Variants in PRKG1 observed in about 807,000 individuals in gnomAD.
PRKG1 encodes protein kinase cGMP-dependent 1.
Under a neutral mutation model 88.1 loss-of-function variants are expected in PRKG1, and 35 were observed. That is an observed-to-expected ratio of 0.40 (90% confidence interval 0.30 to 0.53). PRKG1 has a LOEUF of 0.53. Among genes scored for constraint, PRKG1 ranks in the 20% least tolerant of loss-of-function variants. The pLI is 0.59. For missense variants in PRKG1, 540 were observed against 839.8 expected (o/e 0.64, Z 4.41); for synonymous variants, 303 against 292.5 (o/e 1.04, Z -0.37).
intron 9 of PRKG1, among the ~76,000 whole-genome samples, chr10:52,170,956 G>A (rs1433075678): frequency 1.3e-5 from 2 of 152,162 alleles, no homozygotes; most frequent in African/African-American, 4.8e-5. Flanking sequence ...CAAAGCACCT[G>A]AGGCTATGTA....
chr10:51,224,667 T>C (rs1370268608), intron 2 of PRKG1, among the ~76,000 whole-genome samples: 1 of 152,216 alleles, frequency 6.6e-6, no homozygotes, highest in Non-Finnish European at 1.5e-5. Context: ...CATTTTATTT[T>C]TCTCCTACAG....
chr10:51,294,821 C>T (rs1840676296), intron 2 of PRKG1, among the ~76,000 whole-genome samples: 1 of 152,088 alleles, frequency 6.6e-6, no homozygotes, highest in African/African-American at 2.4e-5. Flanking sequence ...CTCCAGTAAT[C>T]CCATCACTTT....
intron 2 of PRKG1, among the ~76,000 whole-genome samples, chr10:51,267,437 C>T (rs1839864787): frequency 6.6e-6 from 1 of 152,096 alleles, no homozygotes; most frequent in Non-Finnish European, 1.5e-5. Context: ...TCAGTTTTTA[C>T]TATGTTAAAT....
intron 7 of PRKG1, among the ~76,000 whole-genome samples, chr10:52,107,957 T>C (rs1216196673): frequency 6.6e-6 from 1 of 152,228 alleles, no homozygotes; most frequent in Non-Finnish European, 1.5e-5. Flanking sequence ...AATAACTGAA[T>C]TGATACAATA....
At chr10:51,296,196 C>A (rs993151427) in intron 2 of PRKG1, among the ~76,000 whole-genome samples, 8 of 152,008 alleles carry the variant, frequency 5.3e-5, no homozygotes, top group Non-Finnish European at 2.9e-5. Flanking sequence ...TAAGATGAGT[C>A]TGGAAGTGAT....
chr10:52,114,945 T>C (rs61448551), intron 7 of PRKG1, among the ~76,000 whole-genome samples: 17,810 of 151,986 alleles, frequency 0.12, 1,338 homozygotes, highest in East Asian at 0.32. Flanking sequence ...TAAAAGGTAA[T>C]GAAAGAAGTT....
At chr10:51,905,517 A>C (rs1842067641) in intron 4 of PRKG1, among the ~76,000 whole-genome samples, 1 of 152,170 alleles carries the variant, frequency 6.6e-6, no homozygotes, top group South Asian at 2.1e-4. Flanking sequence ...TTCAGATATT[A>C]AGCTATGATT....
chr10:51,821,372 A>G (rs1384663137), intron 4 of PRKG1, among the ~76,000 whole-genome samples: 2 of 152,122 alleles, frequency 1.3e-5, no homozygotes, highest in African/African-American at 4.8e-5. Context: ...CCTGAGAATA[A>G]AATTTCTGGG....
chr10:52,248,575 C>G (rs1418922798), intron 9 of PRKG1, among the ~76,000 whole-genome samples: 1 of 152,088 alleles, frequency 6.6e-6, no homozygotes, highest in Admixed American at 6.5e-5. Flanking sequence ...CAAAGACTAG[C>G]AAAGCGTGAT....
intron 3 of PRKG1, among the ~76,000 whole-genome samples, chr10:51,480,015 AT>A (rs1840310275): frequency 1.3e-5 from 2 of 151,838 alleles, no homozygotes; most frequent in Admixed American, 1.3e-4. Context: ...AAAAAAAAAA[AT>A]TAAATGTTGG....
chr10:51,035,895 T>C (rs1218020695), intron 1 of PRKG1, among the ~76,000 whole-genome samples: 3 of 152,136 alleles, frequency 2.0e-5, no homozygotes, highest in African/African-American at 7.2e-5. Context: ...TATTTATTTA[T>C]TTATTTTCAG....
At chr10:51,006,947 T>G (rs1385680360) in intron 1 of PRKG1, among the ~76,000 whole-genome samples, 3 of 150,542 alleles carry the variant, frequency 2.0e-5, no homozygotes, top group Non-Finnish European at 4.4e-5. Flanking sequence ...TTTTTTTTTT[T>G]TTTTTTTTTG....
At chr10:52,014,252 G>A (rs1844975692) in intron 5 of PRKG1, among the ~76,000 whole-genome samples, 2 of 152,114 alleles carry the variant, frequency 1.3e-5, no homozygotes, top group South Asian at 4.1e-4. Flanking sequence ...TATGGCTAGG[G>A]AGGCCTCAAG....
chr10:51,748,387 T>G (rs1382596992), intron 3 of PRKG1, among the ~76,000 whole-genome samples: 1 of 152,246 alleles, frequency 6.6e-6, no homozygotes, highest in Non-Finnish European at 1.5e-5. Context: ...AATATTTCAG[T>G]CTGTATGATA....
chr10:51,146,268 T>C (rs1410000827), intron 1 of PRKG1, among the ~76,000 whole-genome samples: 1 of 152,104 alleles, frequency 6.6e-6, no homozygotes, highest in East Asian at 1.9e-4. Context: ...TTTTTGATAA[T>C]AGTCATTTTA....
intron 4 of PRKG1, among the ~76,000 whole-genome samples, chr10:51,896,645 T>TAAA (rs10649150): frequency 0.018 from 1,684 of 94,698 alleles, 61 homozygotes; most frequent in African/African-American, 0.053. Flanking sequence ...CCCTGTCTCT[T>TAAA]AAAAAAAAAA....
At position 51,999,027 on chromosome 10, in the gene PRKG1, A is replaced by G. The variant is rs555636225; in HGVS notation, c.763-55457A>G. 4.6e-5 allele frequency among the ~76,000 whole-genome samples: 7 copies of G among 152,310 alleles called. No individual in the cohort carries two copies. In the South Asian group the frequency reaches 1.2e-3, roughly 27 times the overall value. ...TTCTAACATTTTTTATTTATCTGTG[A>G]AAGTCACCTGTTTCCTCACCTCTGT... On this transcript the variant is annotated intron_variant, in intron 5 of 17. Coordinates refer to ENST00000373980, the MANE Select transcript of PRKG1 (RefSeq NM_006258.4).
At chr10:52,083,439 A>G (rs1457427408) in intron 7 of PRKG1, among the ~76,000 whole-genome samples, 5 of 152,238 alleles carry the variant, frequency 3.3e-5, no homozygotes, top group Non-Finnish European at 7.4e-5. Flanking sequence ...AAAACAAAAC[A>G]TAACAAAACA....
At chr10:52,063,246 GCAAA>G (rs375232387) in intron 7 of PRKG1, among the ~76,000 whole-genome samples, 26 of 152,150 alleles carry the variant, frequency 1.7e-4, no homozygotes, top group African/African-American at 6.3e-4. Flanking sequence ...CACTGCACAG[GCAAA>G]CAAACTGGCT....
Sources: allele counts gnomAD v4.1 joint callset (sites outside exome capture counted in the v4.1 genomes callset), GRCh38; gene constraint gnomAD v4.1.1; transcripts MANE v1.5; gene names NCBI Gene and HGNC (gene_info 2026-07-23, HGNC 2026-07-21).